ANKH: variants seen among roughly 807,000 people sequenced by gnomAD.
ANKH encodes mineralization regulator ANKH.
Under a neutral mutation model 49.0 loss-of-function variants are expected in ANKH, and 15 were observed. That is an observed-to-expected ratio of 0.31 (90% confidence interval 0.20 to 0.47). The LOEUF (loss-of-function observed/expected upper bound fraction) is 0.47. Ranked by LOEUF, ANKH falls within the 20% of genes least tolerant of loss-of-function variation. The probability of loss-of-function intolerance (pLI) is 1.00; values close to 1 mark genes in which losing one functional copy is unlikely to be tolerated. For missense variants in ANKH, 429 were observed against 652.0 expected (o/e 0.66, Z 3.72); for synonymous variants, 273 against 260.0 (o/e 1.05, Z -0.48).
intron 1 of ANKH, among the ~76,000 whole-genome samples, chr5:14,816,123 A>G (rs545946807): frequency 6.6e-6 from 1 of 152,362 alleles, no homozygotes; most frequent in South Asian, 2.1e-4. Context: ...TAATGGGGAG[A>G]GGACATTATG....
At chr5:14,831,397 T>C (rs761012786) in intron 1 of ANKH, among the ~76,000 whole-genome samples, 64 of 152,192 alleles carry the variant, frequency 4.2e-4, no homozygotes, top group Non-Finnish European at 8.4e-4. Context: ...AAATGCCTAA[T>C]ACAAAGCAAC....
intron 8 of ANKH, among the ~76,000 whole-genome samples, chr5:14,720,557 C>G (rs7727831): frequency 0.015 from 2,272 of 152,254 alleles, 64 homozygotes; most frequent in African/African-American, 0.052. Context: ...TCCAGCTTTG[C>G]TTTATATTGG....
Position 14,721,886 on chromosome 5 carries a change from T to TGC in ANKH, c.1012-5053_1012-5052dup, listed in dbSNP as rs1554000528. Among the ~76,000 whole-genome samples the TGC allele has an allele frequency of 2.7e-4, 34 of 124,378 alleles. No homozygotes were observed. The East Asian group carries it at 3.0e-3, about 11-fold the overall frequency. The allele number at this position is 124,378 out of a possible 152,430, so 81.6% of individuals were successfully genotyped here. A position where few individuals can be genotyped will look rare whatever the true frequency, so the allele number is the denominator to read the frequency against. The stretch of plus-strand genomic sequence containing the variant: ...CGGAGCTTGCAGTGAGCTGAGATCA[T>TGC]GCCACTGCACTCCAGCCTGGGCGAC... On this transcript the variant is annotated intron_variant, in intron 8 of 11. Transcript: ENST00000284268.
intron 1 of ANKH, among the ~76,000 whole-genome samples, chr5:14,867,909 C>T (rs1381266399): frequency 2.6e-5 from 4 of 152,044 alleles, no homozygotes; most frequent in East Asian, 3.8e-4. Flanking sequence ...AAAATTCAAA[C>T]GCTCCCCCCA....
chr5:14,745,806 G>T lies in ANKH; in HGVS notation c.915+64C>A. ...GCAACAAAGTGTCCCTCATCAGAGA[G>T]CCCTGTCTATCAAGAAGTCATTTCA... On this transcript the variant is annotated intron_variant, in intron 7 of 11. Transcript: ENST00000284268. This position sits in a 1 kb window ranked among gnomAD's most constrained non-coding sequence, Gnocchi z 4.7. The T allele has an allele frequency of 7.0e-7, 1 of 1,421,926 alleles. No individual in the cohort carries two copies. Among genetic ancestry groups the T allele is most frequent in the Non-Finnish European group, 9.9e-7 (1 of 1,005,980 alleles). 88.1% of individuals were successfully genotyped at this position (1,421,926 alleles called of 1,614,324 possible).
intron 9 of ANKH, among the ~76,000 whole-genome samples, chr5:14,715,533 C>T (rs1473717743): frequency 6.6e-6 from 1 of 152,162 alleles, no homozygotes; most frequent in Non-Finnish European, 1.5e-5. Context: ...AGGTGACACA[C>T]CTGGTACAGA....
At chr5:14,715,953 T>C (rs1157923467) in intron 9 of ANKH, among the ~76,000 whole-genome samples, 1 of 152,248 alleles carries the variant, frequency 6.6e-6, no homozygotes, top group Non-Finnish European at 1.5e-5. Context: ...CAGCAGTCCT[T>C]CTCTGTCTTT....
intron 9 of ANKH, among the ~76,000 whole-genome samples, chr5:14,714,494 C>G (rs1183138278): frequency 6.6e-6 from 1 of 152,150 alleles, no homozygotes; most frequent in Non-Finnish European, 1.5e-5. Flanking sequence ...CAGGCAAGGG[C>G]TCTTGGAGGA....
chr5:14,852,837 T>C (rs1038446066), intron 1 of ANKH, among the ~76,000 whole-genome samples: 1 of 152,186 alleles, frequency 6.6e-6, no homozygotes, highest in Non-Finnish European at 1.5e-5. Context: ...GGGTTCATGA[T>C]GCCAGCAGAG....
intron 8 of ANKH, among the ~76,000 whole-genome samples, chr5:14,733,431 G>A (rs1451377933): frequency 6.6e-6 from 1 of 152,238 alleles, no homozygotes; most frequent in Non-Finnish European, 1.5e-5. Context: ...CACTTCACAA[G>A]CACTGCCCGT....
chr5:14,867,638 C>A (rs1580127760), intron 1 of ANKH, among the ~76,000 whole-genome samples: 4 of 152,228 alleles, frequency 2.6e-5, no homozygotes, highest in Admixed American at 2.6e-4. Context: ...CGGCTCACTG[C>A]AAGCTCCGCT....
At position 14,717,955 on chromosome 5, in the gene ANKH, C is replaced by T. The variant is rs529969577; in HGVS notation, c.1012-1120G>A. The stretch of plus-strand genomic sequence containing the variant: ...GCATACTCAATCTGTACATGGAAAA[C>T]GGGGGAATTAAGAGAAGGATGACAT... On this transcript the variant is annotated intron_variant, in intron 8 of 11. Coordinates refer to ENST00000284268, the MANE Select transcript of ANKH (RefSeq NM_054027.6). 1.2e-4 allele frequency among the ~76,000 whole-genome samples: 18 copies of T among 152,184 alleles called. No individual in the cohort carries two copies. The East Asian group carries it at 2.5e-3, about 21-fold the overall frequency.
chr5:14,721,153 C>T (rs1737647340), intron 8 of ANKH, among the ~76,000 whole-genome samples: 1 of 152,204 alleles, frequency 6.6e-6, no homozygotes, highest in Non-Finnish European at 1.5e-5. Flanking sequence ...TTGAACACAA[C>T]CACGAAGTTA....
intron 2 of ANKH, among the ~76,000 whole-genome samples, chr5:14,766,310 T>A (rs565635136): frequency 6.6e-6 from 1 of 152,196 alleles, no homozygotes; most frequent in East Asian, 1.9e-4. Flanking sequence ...GTGGGAGAAT[T>A]GATTGAGCCC....
chr5:14,848,407 C>A (rs1398599813), intron 1 of ANKH, among the ~76,000 whole-genome samples: 1 of 92,048 alleles, frequency 1.1e-5, no homozygotes, highest in East Asian at 6.6e-4. Context: ...CTGGCAGTGG[C>A]AATCCTCTGG....
intron 2 of ANKH, among the ~76,000 whole-genome samples, chr5:14,760,804 G>A (rs1161610540): frequency 6.6e-6 from 1 of 152,198 alleles, no homozygotes; most frequent in Non-Finnish European, 1.5e-5. Flanking sequence ...CCAGCTGAGG[G>A]GACTTGACTG....
At chr5:14,834,437 C>A (rs1322175517) in intron 1 of ANKH, among the ~76,000 whole-genome samples, 2 of 152,126 alleles carry the variant, frequency 1.3e-5, no homozygotes, top group African/African-American at 4.8e-5. Flanking sequence ...AGAGGAAAAA[C>A]CCATAAATAC....
At chr5:14,792,680 A>G (rs1331154073) in intron 1 of ANKH, among the ~76,000 whole-genome samples, 1 of 152,016 alleles carries the variant, frequency 6.6e-6, no homozygotes. Flanking sequence ...TACGTGAAAT[A>G]AAAATAAAAC....
At chr5:14,766,171 C>G (rs528895125) in intron 2 of ANKH, among the ~76,000 whole-genome samples, 14 of 151,908 alleles carry the variant, frequency 9.2e-5, no homozygotes, top group African/African-American at 3.4e-4. Context: ...GTAGGCAGAT[C>G]GCTTGAACTC....
Sources: gnomAD v4.1 joint callset for allele counts (sites outside exome capture counted in the v4.1 genomes callset) on GRCh38, gnomAD v4.1.1 for gene constraint, Gnocchi (gnomAD v3.1) non-coding constraint, MANE v1.5 for transcripts, NCBI Gene and HGNC (gene_info 2026-07-23, HGNC 2026-07-21) for gene names.